The following CTNNA2 variants were observed in gnomAD, a reference collection of about 807,000 sequenced individuals.
The protein encoded by CTNNA2 is catenin alpha 2.
In CTNNA2, 42 loss-of-function variants were observed where a neutral mutation model predicts 101.0. The ratio of observed to expected loss-of-function variants is 0.42; its 90% CI spans 0.32 to 0.54. CTNNA2 has a LOEUF of 0.54. Among genes scored for constraint, CTNNA2 ranks in the 20% least tolerant of loss-of-function variants. The probability of loss-of-function intolerance (pLI) is 0.14; values close to 1 mark genes in which losing one functional copy is unlikely to be tolerated. For synonymous variants in CTNNA2, 450 were observed against 456.4 expected (o/e 0.99, Z 0.18); for missense variants, 871 against 1,223.1 (o/e 0.71, Z 4.29).
chr2:80,512,027 G>T (rs1426981506), intron 9 of CTNNA2, among the ~76,000 whole-genome samples: 2 of 151,692 alleles, frequency 1.3e-5, no homozygotes, highest in African/African-American at 2.4e-5. Context: ...GTGGGCACCT[G>T]TAATCCCAGC....
Position 80,639,824 on chromosome 2 carries a change from C to T in CTNNA2, c.2575-7761C>T, listed in dbSNP as rs1335323942. On this transcript the variant is annotated intron_variant, in intron 18 of 18. Coordinates refer to ENST00000402739, the MANE Select transcript of CTNNA2 (RefSeq NM_001282597.3). ...CCTTTAGATAAAAATATTTGTCGGC[C>T]GGGCGCGGTGGCTCACGCCTGTAAT... is the stretch of plus-strand genomic sequence containing the variant. 3.3e-5 allele frequency among the ~76,000 whole-genome samples: 5 copies of T among 151,850 alleles called. No homozygotes were observed. The South Asian group carries it at 6.3e-4, about 19-fold the overall frequency.
chr2:79,430,332 T>A (rs1212339178), intron 4 of CTNNA2, among the ~76,000 whole-genome samples: 3 of 152,180 alleles, frequency 2.0e-5, no homozygotes, highest in African/African-American at 7.2e-5. Flanking sequence ...CATTGTCTAA[T>A]CATTTACAAG....
At chr2:79,831,632 G>T (rs867700123) in intron 3 of CTNNA2, among the ~76,000 whole-genome samples, 1 of 151,458 alleles carries the variant, frequency 6.6e-6, no homozygotes, top group Non-Finnish European at 1.5e-5. Flanking sequence ...TATAAAGATT[G>T]TTGCGAGGTA....
intron 7 of CTNNA2, among the ~76,000 whole-genome samples, chr2:79,998,169 A>T (rs1263038470): frequency 6.6e-6 from 1 of 152,202 alleles, no homozygotes; most frequent in African/African-American, 2.4e-5. Context: ...TGGATGAAGA[A>T]TAGTATGGAG....
In CTNNA2 at chr2:80,235,881, T is replaced by G. The variant is rs529959517; in HGVS notation, c.1057-157330T>G. On this transcript the variant is annotated intron_variant, in intron 7 of 18. Coordinates refer to ENST00000402739, the MANE Select transcript of CTNNA2 (RefSeq NM_001282597.3). ...CATAAGTAAACTTGTGTCATGGGGG[T>G]TTGTTATACAGATTATTTCATCACC... 3.2e-4 allele frequency among the ~76,000 whole-genome samples: 48 copies of G among 152,170 alleles called. 1 individual carries two copies. Among genetic ancestry groups the G allele is most frequent in the African/African-American group, 9.6e-4 (40 of 41,526 alleles).
At chr2:80,446,069 A>G (rs1683047694) in intron 9 of CTNNA2, among the ~76,000 whole-genome samples, 1 of 152,178 alleles carries the variant, frequency 6.6e-6, no homozygotes, top group Admixed American at 6.5e-5. Flanking sequence ...GTGTTCAATA[A>G]ATGTATGGTG....
intron 9 of CTNNA2, among the ~76,000 whole-genome samples, chr2:80,500,904 C>T (rs754585283): frequency 6.6e-6 from 1 of 152,214 alleles, no homozygotes; most frequent in African/African-American, 2.4e-5. Flanking sequence ...GGCTCATTTT[C>T]TAACAAGGTT....
chr2:80,609,201 G>A lies in CTNNA2; in HGVS notation c.2430+883G>A, dbSNP rs1007611369. On this transcript the variant is annotated intron_variant, in intron 17 of 18. Transcript: ENST00000402739. ...CCAGGCACGTAATATTATCAGCGTGGTGAATACCTTATGAAAATCAGACTA... is the reference window on the plus strand; with the variant it reads ...CCAGGCACGTAATATTATCAGCGTGATGAATACCTTATGAAAATCAGACTA... Among the ~76,000 whole-genome samples, 8 of 151,872 alleles carry A rather than the reference G, an allele frequency of 5.3e-5. No homozygotes were observed. The East Asian group carries it at 1.4e-3, about 26-fold the overall frequency.
chr2:79,742,971 C>G (rs963747463), intron 2 of CTNNA2, among the ~76,000 whole-genome samples: 1 of 152,136 alleles, frequency 6.6e-6, no homozygotes, highest in African/African-American at 2.4e-5. Context: ...ATCTCTTTCT[C>G]TATAAACTGA....
At chr2:80,071,441 T>C (rs542302211) in intron 7 of CTNNA2, among the ~76,000 whole-genome samples, 1 of 152,356 alleles carries the variant, frequency 6.6e-6, no homozygotes, top group East Asian at 1.9e-4. Flanking sequence ...AATTGCCATC[T>C]CACATGTTTA....
chr2:79,749,252 C>T (rs1443419720), intron 3 of CTNNA2, among the ~76,000 whole-genome samples: 1 of 152,080 alleles, frequency 6.6e-6, no homozygotes, highest in Non-Finnish European at 1.5e-5. Context: ...CAGACACATT[C>T]AGATGCATCT....
intron 7 of CTNNA2, among the ~76,000 whole-genome samples, chr2:80,107,947 C>T (rs893500599): frequency 6.6e-6 from 1 of 152,182 alleles, no homozygotes; most frequent in Non-Finnish European, 1.5e-5. Context: ...AGTTGGCACC[C>T]CTGTCACAAG....
At chr2:79,373,669 AT>A (rs5832382) in intron 3 of CTNNA2, among the ~76,000 whole-genome samples, 124,211 of 152,056 alleles carry the variant, frequency 0.82, 51,289 homozygotes, top group African/African-American at 0.93. Flanking sequence ...CCCTGGAAGC[AT>A]TTTTTTAAAT....
chr2:79,595,354 C>T (rs929462476), intron 1 of CTNNA2, among the ~76,000 whole-genome samples: 2 of 152,178 alleles, frequency 1.3e-5, no homozygotes, highest in African/African-American at 4.8e-5. Context: ...GTGCCAGTGA[C>T]TCACAAATCT....
At chr2:80,553,291 A>G (rs1180474974) in intron 11 of CTNNA2, among the ~76,000 whole-genome samples, 4 of 152,148 alleles carry the variant, frequency 2.6e-5, no homozygotes, top group Non-Finnish European at 4.4e-5. Context: ...AATACTTTGT[A>G]CAACATTATT....
intron 7 of CTNNA2, among the ~76,000 whole-genome samples, chr2:80,329,221 T>C (rs577041315): frequency 6.6e-6 from 1 of 152,350 alleles, no homozygotes; most frequent in South Asian, 2.1e-4. Context: ...CTGGATCATT[T>C]GGGTGAATAA....
intron 2 of CTNNA2, among the ~76,000 whole-genome samples, chr2:79,201,353 C>CA (rs1674033008): frequency 1.3e-5 from 2 of 152,222 alleles, no homozygotes; most frequent in African/African-American, 4.8e-5. Context: ...TTAGCCAAGA[C>CA]AAAACCCCAA....
chr2:80,092,933 T>C (rs1400062845), intron 7 of CTNNA2, among the ~76,000 whole-genome samples: 1 of 152,134 alleles, frequency 6.6e-6, no homozygotes, highest in Non-Finnish European at 1.5e-5. Context: ...CAATTTAAAA[T>C]GCTAACATGA....
chr2:79,378,601 A>C (rs1678004797), intron 4 of CTNNA2, among the ~76,000 whole-genome samples: 1 of 152,222 alleles, frequency 6.6e-6, no homozygotes, highest in South Asian at 2.1e-4. Flanking sequence ...GTCACTCTAA[A>C]TATGTAGTTT....
Sources: gnomAD v4.1 joint callset for allele counts (sites outside exome capture counted in the v4.1 genomes callset) on GRCh38, gnomAD v4.1.1 for gene constraint, MANE v1.5 for transcripts, NCBI Gene and HGNC (gene_info 2026-07-23, HGNC 2026-07-21) for gene names.